SUPT3H: variants seen among roughly 807,000 people sequenced by gnomAD.
SUPT3H encodes SPT3 homolog, SAGA and STAGA complex component, also known as transcription initiation protein SPT3 homolog.
Under a neutral mutation model 44.3 loss-of-function variants are expected in SUPT3H, and 44 were observed. The observed-to-expected ratio is 0.99, with a 90% confidence interval of 0.78 to 1.28. The LOEUF is 1.28. Ranked by LOEUF, SUPT3H falls within the 50% of genes most tolerant of loss-of-function variation. The pLI is 0.00. For synonymous variants in SUPT3H, 124 were observed against 125.6 expected, an observed-to-expected ratio of 0.99 and a Z score of 0.09; for missense variants, 380 against 387.1, an observed-to-expected ratio of 0.98 and a Z score of 0.15.
At chr6:45,239,389 G>A (rs953436991) in intron 2 of SUPT3H, among the ~76,000 whole-genome samples, 3 of 152,202 alleles carry the variant, frequency 2.0e-5, no homozygotes, top group African/African-American at 7.2e-5. Flanking sequence ...TTTAACCCAT[G>A]TTAATGCCTC....
intron 2 of SUPT3H, among the ~76,000 whole-genome samples, chr6:45,334,449 C>CAAAAAAAAAAAAAAA (rs551014969): frequency 1.1e-5 from 1 of 91,760 alleles, no homozygotes; most frequent in Non-Finnish European, 2.1e-5. Flanking sequence ...TCAGGAAAAG[C>CAAAAAAAAAAAAAAA]AAAAAAAAAA....
intron 6 of SUPT3H, among the ~76,000 whole-genome samples, chr6:44,987,844 T>C (rs1780032824): frequency 6.6e-6 from 1 of 151,944 alleles, no homozygotes; most frequent in Non-Finnish European, 1.5e-5. Context: ...GGAGAATGAG[T>C]GAACTAGGAA....
intron 2 of SUPT3H, among the ~76,000 whole-genome samples, chr6:45,312,057 C>G (rs114935068): frequency 0.02 from 3,058 of 152,232 alleles, 99 homozygotes; most frequent in African/African-American, 0.069. Context: ...AACTCACCAA[C>G]CAATTATCTG....
At chr6:44,994,908 G>A (rs1781072717) in intron 6 of SUPT3H, among the ~76,000 whole-genome samples, 2 of 151,284 alleles carry the variant, frequency 1.3e-5, no homozygotes, top group South Asian at 4.2e-4. Flanking sequence ...TTCCCTAGCT[G>A]CTTAATTTTG....
chr6:44,866,107 T>C (rs1158289937), intron 10 of SUPT3H, among the ~76,000 whole-genome samples: 1 of 8,302 alleles, frequency 1.2e-4, no homozygotes, highest in African/African-American at 2.3e-4. Context: ...CTACATCGAC[T>C]TTTTTTTTTT....
intron 2 of SUPT3H, among the ~76,000 whole-genome samples, chr6:45,176,487 G>T (rs184065563): frequency 8.6e-5 from 13 of 151,422 alleles, no homozygotes; most frequent in Admixed American, 2.6e-4. Context: ...AGGCGGCAGC[G>T]AGGCTGGGGG....
intron 10 of SUPT3H, among the ~76,000 whole-genome samples, chr6:44,882,874 T>A (rs1430544740): frequency 6.6e-6 from 1 of 152,190 alleles, no homozygotes; most frequent in African/African-American, 2.4e-5. Context: ...TAGGTATTGA[T>A]GGAACGTATC....
chr6:45,306,805 G>T (rs1351561095), intron 2 of SUPT3H, among the ~76,000 whole-genome samples: 1 of 151,192 alleles, frequency 6.6e-6, no homozygotes, highest in Non-Finnish European at 1.5e-5. Context: ...AGTGGGTGCA[G>T]CCCACTGAGC....
At chr6:44,966,282 G>C (rs901667897) in intron 6 of SUPT3H, among the ~76,000 whole-genome samples, 1 of 151,806 alleles carries the variant, frequency 6.6e-6, no homozygotes, top group Non-Finnish European at 1.5e-5. Flanking sequence ...AAAACATCAT[G>C]ATCAGAATAA....
chr6:45,284,996 C>T (rs143106554), intron 2 of SUPT3H, among the ~76,000 whole-genome samples: 32,640 of 151,114 alleles, frequency 0.22, 4,386 homozygotes, highest in Non-Finnish European at 0.31. Flanking sequence ...AAAAACCACA[C>T]GATTATCTCA....
chr6:45,222,414 C>G (rs1317626392), intron 2 of SUPT3H, among the ~76,000 whole-genome samples: 1 of 152,018 alleles, frequency 6.6e-6, no homozygotes, highest in Middle Eastern at 3.2e-3. Flanking sequence ...AGATGACATA[C>G]AGATGGCAAA....
intron 4 of SUPT3H, among the ~76,000 whole-genome samples, chr6:45,019,527 T>C (rs1189857377): frequency 6.6e-6 from 1 of 151,954 alleles, no homozygotes; most frequent in African/African-American, 2.4e-5. Context: ...TTAAAGTAAC[T>C]GATAATCCTT....
At chr6:45,267,939 G>T (rs999088258) in intron 2 of SUPT3H, among the ~76,000 whole-genome samples, 2 of 152,134 alleles carry the variant, frequency 1.3e-5, no homozygotes, top group Non-Finnish European at 2.9e-5. Flanking sequence ...ACAAATAATT[G>T]TTGCCACTGA....
chr6:45,336,048 C>T (rs1021074336), intron 2 of SUPT3H, among the ~76,000 whole-genome samples: 12 of 151,130 alleles, frequency 7.9e-5, no homozygotes, highest in Admixed American at 3.3e-4. Flanking sequence ...ATCATTAATC[C>T]AACCTCCTTT....
chr6:45,290,087 G>A (rs1227913194), intron 2 of SUPT3H, among the ~76,000 whole-genome samples: 1 of 151,938 alleles, frequency 6.6e-6, no homozygotes, highest in Non-Finnish European at 1.5e-5. Flanking sequence ...GCCTGAGGTG[G>A]GGCAATCGCT....
chr6:45,308,729 C>T (rs1288132572), intron 2 of SUPT3H, among the ~76,000 whole-genome samples: 1 of 136,420 alleles, frequency 7.3e-6, no homozygotes, highest in East Asian at 2.1e-4. Context: ...TACCCTAGAA[C>T]TTAAAGTATA....
chr6:45,192,366 A>C (rs1040558527), intron 2 of SUPT3H, among the ~76,000 whole-genome samples: 5 of 152,162 alleles, frequency 3.3e-5, no homozygotes, highest in African/African-American at 9.6e-5. Context: ...AAAAAGCAAA[A>C]ATCTGATTAA....
chr6:45,057,644 G>A (rs959386143), intron 3 of SUPT3H, among the ~76,000 whole-genome samples: 1 of 152,106 alleles, frequency 6.6e-6, no homozygotes, highest in Admixed American at 6.6e-5. Flanking sequence ...TTTTTCAGTA[G>A]TCATGTGTCT....
chr6:45,208,480 C>T (rs950596599), intron 2 of SUPT3H, among the ~76,000 whole-genome samples: 1 of 152,164 alleles, frequency 6.6e-6, no homozygotes, highest in African/African-American at 2.4e-5. Context: ...AATCCCAGAA[C>T]TTTGGGAGGC....
Sources: gnomAD v4.1 joint callset for allele counts (sites outside exome capture counted in the v4.1 genomes callset) on GRCh38, gnomAD v4.1.1 for gene constraint, MANE v1.5 for transcripts, NCBI Gene and HGNC (gene_info 2026-07-23, HGNC 2026-07-21) for gene names.